The following GRB14 variants were observed in gnomAD, a reference collection of about 807,000 sequenced individuals.
GRB14 encodes the protein growth factor receptor bound protein 14, also known as growth factor receptor-bound protein 14.
In GRB14, 38 loss-of-function variants were observed where a neutral mutation model predicts 69.1. The ratio of observed to expected loss-of-function variants is 0.55; its 90% CI spans 0.42 to 0.72. The LOEUF (loss-of-function observed/expected upper bound fraction) is 0.72, where lower values mean the gene tolerates loss of function less well. Ranked by LOEUF, GRB14 falls within the 30% of genes least tolerant of loss-of-function variation. The pLI is 0.00. For synonymous variants in GRB14, 247 were observed against 241.3 expected, an observed-to-expected ratio of 1.02 and a Z score of -0.22; for missense variants, 666 against 666.1, an observed-to-expected ratio of 1.00 and a Z score of 0.00.
intron 2 of GRB14, among the ~76,000 whole-genome samples, chr2:164,593,199 T>C (rs1275361776): frequency 6.6e-6 from 1 of 152,130 alleles, no homozygotes; most frequent in African/African-American, 2.4e-5. Context: ...CAAATCCCTG[T>C]AGGTATTGAG....
At chr2:164,600,151 TC>T (rs1044510761) in intron 2 of GRB14, among the ~76,000 whole-genome samples, 2 of 152,164 alleles carry the variant, frequency 1.3e-5, no homozygotes, top group African/African-American at 4.8e-5. Flanking sequence ...TTTGGAACTA[TC>T]CACAGACAAA....
intron 6 of GRB14, among the ~76,000 whole-genome samples, chr2:164,513,993 A>G (rs1348962983): frequency 6.6e-6 from 1 of 152,230 alleles, no homozygotes; most frequent in Non-Finnish European, 1.5e-5. Flanking sequence ...TAGAATACAC[A>G]TTTATGTTTA....
chr2:164,502,533 T>C (rs893528390), intron 8 of GRB14, among the ~76,000 whole-genome samples, 198 bp from the exon 9 acceptor site: 6 of 152,136 alleles, frequency 3.9e-5, no homozygotes, highest in East Asian at 1.9e-4. Flanking sequence ...GTCTTTTACT[T>C]AGACCTACAA....
intron 3 of GRB14, among the ~76,000 whole-genome samples, chr2:164,528,919 GA>G (rs1467350447): frequency 6.6e-6 from 1 of 152,108 alleles, no homozygotes; most frequent in African/African-American, 2.4e-5. Context: ...TTACTCAAAA[GA>G]AGCGAAAGCA....
intron 8 of GRB14, among the ~76,000 whole-genome samples, chr2:164,508,051 C>G (rs1241067215): frequency 6.6e-6 from 1 of 152,064 alleles, no homozygotes; most frequent in African/African-American, 2.4e-5. Flanking sequence ...AAACACGAAT[C>G]GAACACAAAA....
chr2:164,500,808 T>TA (rs1687029925), intron 9 of GRB14, among the ~76,000 whole-genome samples: 1 of 152,054 alleles, frequency 6.6e-6, no homozygotes, highest in Non-Finnish European at 1.5e-5. Flanking sequence ...ACTAAACTGT[T>TA]ATCCACATCT....
chr2:164,538,767 T>C (rs1302089180), intron 3 of GRB14, among the ~76,000 whole-genome samples: 1 of 152,238 alleles, frequency 6.6e-6, no homozygotes, highest in Non-Finnish European at 1.5e-5. Context: ...ATACAATTCA[T>C]GTTTTGTACA....
chr2:164,569,233 A>G (rs575015678), intron 2 of GRB14, among the ~76,000 whole-genome samples: 10 of 152,328 alleles, frequency 6.6e-5, no homozygotes, highest in African/African-American at 2.4e-4. Context: ...ATTTCTTCTC[A>G]TAAAAACTGA....
chr2:164,529,858 T>C (rs1389972045), intron 3 of GRB14, among the ~76,000 whole-genome samples: 2 of 152,324 alleles, frequency 1.3e-5, no homozygotes, highest in East Asian at 1.9e-4. Flanking sequence ...TAAATGCATA[T>C]AGTCTGGCAG....
intron 2 of GRB14, among the ~76,000 whole-genome samples, chr2:164,602,492 C>G (rs774584083): frequency 6.6e-6 from 1 of 152,026 alleles, no homozygotes; most frequent in Non-Finnish European, 1.5e-5. Flanking sequence ...TACAGACAAA[C>G]TTGGTTTACA....
Position 164,619,771 on chromosome 2 carries a change from G to C in GRB14, c.240C>G (p.Asn80Lys). The change falls in exon 2 of 14, where the codon AAC becomes AAG. Residue 80 changes from asparagine to lysine, a missense_variant. Coordinates refer to ENST00000263915, the MANE Select transcript of GRB14 (RefSeq NM_004490.3). Reference protein sequence around the residue: ...LDVPEMPSIPNPFPELCCSPF... With the variant: ...LDVPEMPSIPKPFPELCCSPF... The stretch of plus-strand genomic sequence containing the variant: ...GAGAACAGCATAGCTCAGGAAAAGG[G>C]TTTGGAATAGATGGCATTTCCGGAA... 1 of 1,610,898 alleles carries C rather than the reference G, an allele frequency of 6.2e-7. No individual in the cohort carries two copies. Among genetic ancestry groups the C allele is most frequent in the Non-Finnish European group, 8.5e-7 (1 of 1,177,624 alleles).
chr2:164,584,773 T>A (rs562620535), intron 2 of GRB14, among the ~76,000 whole-genome samples: 2 of 152,304 alleles, frequency 1.3e-5, no homozygotes, highest in Admixed American at 1.3e-4. Flanking sequence ...CAATGTCTTG[T>A]TCTACTCTTT....
chr2:164,590,454 T>C (rs1330922843), intron 2 of GRB14, among the ~76,000 whole-genome samples: 1 of 152,224 alleles, frequency 6.6e-6, no homozygotes, highest in Non-Finnish European at 1.5e-5. Context: ...AATGAGAACA[T>C]ACTTACGTGG....
At chr2:164,545,535 A>T (rs1300013807) in intron 3 of GRB14, among the ~76,000 whole-genome samples, 2 of 152,184 alleles carry the variant, frequency 1.3e-5, no homozygotes, top group African/African-American at 4.8e-5. Flanking sequence ...AGAGGCAAGA[A>T]ATTAGAGCTT....
chr2:164,533,378 A>C (rs892472990), intron 3 of GRB14, among the ~76,000 whole-genome samples: 2 of 149,138 alleles, frequency 1.3e-5, no homozygotes, highest in African/African-American at 4.9e-5. Flanking sequence ...GACTACAGGC[A>C]CCCGCCACTG....
chr2:164,557,695 T>C (rs1456151822), intron 2 of GRB14, among the ~76,000 whole-genome samples: 1 of 152,166 alleles, frequency 6.6e-6, no homozygotes, highest in Non-Finnish European at 1.5e-5. Flanking sequence ...CCTTTCACAA[T>C]CTTTGAGGTA....
intron 2 of GRB14, among the ~76,000 whole-genome samples, chr2:164,603,618 G>A (rs1277128220): frequency 3.3e-5 from 5 of 150,334 alleles, no homozygotes; most frequent in East Asian, 3.9e-4. Flanking sequence ...AGCCAAGGTC[G>A]AGCCACTGCA....
At chr2:164,539,473 C>T (rs897505386) in intron 3 of GRB14, among the ~76,000 whole-genome samples, 38 of 56,646 alleles carry the variant, frequency 6.7e-4, no homozygotes, top group Non-Finnish European at 9.7e-4. Flanking sequence ...GACTCCATCT[C>T]GGAAAAAAAA....
At chr2:164,493,278 C>A in intron 13 of GRB14, 96 bp from the exon 14 acceptor site, 1 of 1,119,818 alleles carries the variant, frequency 8.9e-7, no homozygotes, top group Non-Finnish European at 1.3e-6. Flanking sequence ...CCAAAACTGC[C>A]AAGTTTATAA....
Sources: gnomAD v4.1 joint callset for allele counts (sites outside exome capture counted in the v4.1 genomes callset) on GRCh38, gnomAD v4.1.1 for gene constraint, MANE v1.5 for transcripts, NCBI Gene and HGNC (gene_info 2026-07-23, HGNC 2026-07-21) for gene names.